Variants in DRC1 observed in about 807,000 individuals in gnomAD.
DRC1 encodes dynein regulatory complex subunit 1.
Under a neutral mutation model 98.7 loss-of-function variants are expected in DRC1, and 74 were observed. The observed-to-expected ratio is 0.75, with a 90% confidence interval of 0.62 to 0.91. The LOEUF is 0.91. Ranked by LOEUF, DRC1 falls within the 40% of genes least tolerant of loss-of-function variation. DRC1 has a pLI of 0.00. For missense variants in DRC1, 875 were observed against 886.0 expected (o/e 0.99, Z 0.16); for synonymous variants, 336 against 334.1 (o/e 1.01, Z -0.06).
intron 4 of DRC1, among the ~76,000 whole-genome samples, chr2:26,426,903 A>G (rs72852771): frequency 0.011 from 1,644 of 152,224 alleles, 33 homozygotes; most frequent in African/African-American, 0.037. Flanking sequence ...TAAGCACAGG[A>G]TATCTTCCAT....
intron 13 of DRC1, among the ~76,000 whole-genome samples, chr2:26,452,000 T>A (rs1664018710): frequency 6.6e-6 from 1 of 151,692 alleles, no homozygotes; most frequent in Non-Finnish European, 1.5e-5. Flanking sequence ...AGGTAACTCT[T>A]AAACATATGA....
intron 4 of DRC1, among the ~76,000 whole-genome samples, chr2:26,425,202 G>T (rs970932761): frequency 5.9e-5 from 9 of 152,148 alleles, no homozygotes; most frequent in African/African-American, 2.2e-4. Context: ...TTTGTGACTA[G>T]CATATTTGGC....
chr2:26,430,568 C>G (rs1422447236), intron 5 of DRC1: 3 of 632,676 alleles, frequency 4.7e-6, no homozygotes, highest in Non-Finnish European at 9.1e-6. Flanking sequence ...TGGCACATCT[C>G]CTCTCCGCAT....
At chr2:26,402,648 G>A (rs1678288811) in intron 1 of DRC1, among the ~76,000 whole-genome samples, 1 of 152,220 alleles carries the variant, frequency 6.6e-6, no homozygotes, top group Non-Finnish European at 1.5e-5. Flanking sequence ...GAGGCATTGA[G>A]TTTCCTTCTC....
intron 13 of DRC1, among the ~76,000 whole-genome samples, chr2:26,450,944 G>C (rs1663991638): frequency 7.5e-6 from 1 of 133,912 alleles, no homozygotes; most frequent in South Asian, 2.5e-4. Flanking sequence ...TGTTCTCATT[G>C]TTCAACTCCC....
intron 1 of DRC1, among the ~76,000 whole-genome samples, chr2:26,409,828 T>C (rs1678540664): frequency 6.6e-6 from 1 of 152,184 alleles, no homozygotes; most frequent in Non-Finnish European, 1.5e-5. Flanking sequence ...TTTTTAGTTC[T>C]TGTCATGAGT....
chr2:26,447,611 G>A (rs1244494746), intron 10 of DRC1, among the ~76,000 whole-genome samples: 5 of 151,734 alleles, frequency 3.3e-5, no homozygotes, highest in Non-Finnish European at 5.9e-5. Context: ...CTGTTGCCCA[G>A]GCTGGAGTGC....
chr2:26,444,737 TGAG>T lies in DRC1; in HGVS notation c.1186_1188del (p.Glu396del), dbSNP rs1663807616. ...ACAGGCATTTTGCTCTTATTGATGA[TGAG>T]AAGTTTTGGGAGATTTGGCTGATGA... On this transcript the variant is annotated inframe_deletion, in exon 10 of 17. Coordinates refer to ENST00000288710, the MANE Select transcript of DRC1 (RefSeq NM_145038.5). The T allele has an allele frequency of 1.2e-6, 2 of 1,614,002 alleles. No homozygotes were observed. Among genetic ancestry groups the T allele is most frequent in the African/African-American group, 1.3e-5 (1 of 74,910 alleles).
chr2:26,420,398 AC>A (rs1460297411), intron 2 of DRC1, among the ~76,000 whole-genome samples: 5 of 152,020 alleles, frequency 3.3e-5, no homozygotes, highest in Non-Finnish European at 7.4e-5. Context: ...TATCTGCCTC[AC>A]TGTCATTATC....
At chr2:26,439,938 C>T (rs140230689) in intron 7 of DRC1, among the ~76,000 whole-genome samples, 4,497 of 21,344 alleles carry the variant, frequency 0.21, 434 homozygotes, top group Middle Eastern at 0.5. Context: ...TATATATATA[C>T]ACACACACAT....
At chr2:26,441,611 G>T (rs1265976297) in intron 8 of DRC1, among the ~76,000 whole-genome samples, 1 of 152,164 alleles carries the variant, frequency 6.6e-6, no homozygotes, top group Non-Finnish European at 1.5e-5. Flanking sequence ...TTGGCAAAAA[G>T]CAGTTAAGAG....
intron 5 of DRC1, chr2:26,430,432 G>A (rs1184673293): frequency 1.1e-5 from 5 of 453,608 alleles, no homozygotes; most frequent in Non-Finnish European, 2.3e-5. Context: ...CCCCAACCAT[G>A]GCAACGAACG....
intron 2 of DRC1, among the ~76,000 whole-genome samples, chr2:26,417,212 C>G (rs760352055): frequency 1.3e-5 from 2 of 152,196 alleles, no homozygotes; most frequent in African/African-American, 4.8e-5. Flanking sequence ...ATATCACCAG[C>G]TCTGTGCCAA....
intron 1 of DRC1, among the ~76,000 whole-genome samples, chr2:26,404,210 A>G (rs949809975): frequency 2.0e-5 from 3 of 152,198 alleles, no homozygotes; most frequent in Admixed American, 2.0e-4. Flanking sequence ...GTAATGGATC[A>G]TTGTGATGTT....
chr2:26,402,153 G>GGGGGCGGGC lies in DRC1; in HGVS notation c.155+18_155+26dup. The GGGGGCGGGC allele has an allele frequency of 6.3e-7, 1 of 1,580,496 alleles. No homozygotes were observed. The highest frequency in any genetic ancestry group is 8.6e-7 in the Non-Finnish European group (1 of 1,166,238). On this transcript the variant is annotated intron_variant, in intron 1 of 16. Coordinates refer to ENST00000288710, the MANE Select transcript of DRC1 (RefSeq NM_145038.5). ...TTAGAAGCCCGGAGGCGGTGAGCGCGGGGGCGGGCGGGGCGGGATCCGCGC... is the reference window on the plus strand; with the variant it reads ...TTAGAAGCCCGGAGGCGGTGAGCGCGGGGGCGGGCGGGGCGGGCGGGGCGGGATCCGCGC...
In DRC1 at chr2:26,405,392, A is replaced by G. The variant is rs1013599117; in HGVS notation, c.155+3248A>G. Among the ~76,000 whole-genome samples, 3 of 152,176 alleles carry G rather than the reference A, an allele frequency of 2.0e-5. No homozygotes were observed. In the East Asian group the frequency reaches 5.8e-4, roughly 29 times the overall value. ...CTGTTCTCAGGAAGCTTATATTCTA[A>G]TGAGGGAGATGGGAAAAAATAAAGT... On this transcript the variant is annotated intron_variant, in intron 1 of 16. Transcript: ENST00000288710.
Position 26,453,303 on chromosome 2 carries a change from C to A in DRC1, c.1690-17C>A, listed in dbSNP as rs749441513. Reference sequence around the variant, plus strand: ...CGTGTGTCCCCAGCCCACAGTTGTCCGTGCATCTTTCTCCAGATCAAGCCC... The same window carrying A: ...CGTGTGTCCCCAGCCCACAGTTGTCAGTGCATCTTTCTCCAGATCAAGCCC... On this transcript the variant is annotated splice_polypyrimidine_tract_variant and intron_variant, in intron 13 of 16. Transcript: ENST00000288710. 1 of 1,613,804 alleles carries A rather than the reference C, an allele frequency of 6.2e-7. No homozygotes were observed. Among genetic ancestry groups the A allele is most frequent in the South Asian group, 1.1e-5 (1 of 91,026 alleles).
intron 1 of DRC1, among the ~76,000 whole-genome samples, chr2:26,404,986 T>G (rs1427013340): frequency 6.6e-6 from 1 of 152,222 alleles, no homozygotes; most frequent in Non-Finnish European, 1.5e-5. Flanking sequence ...CCTGAGTAGA[T>G]GACCCTAGGC....
chr2:26,421,027 G>C, intron 2 of DRC1: 1 of 232,426 alleles, frequency 4.3e-6, no homozygotes, highest in South Asian at 5.7e-5. Flanking sequence ...GCCTCCCAAA[G>C]TGCTGGGACT....
Sources: gnomAD v4.1 joint callset for allele counts (sites outside exome capture counted in the v4.1 genomes callset) on GRCh38, gnomAD v4.1.1 for gene constraint, MANE v1.5 for transcripts, NCBI Gene and HGNC (gene_info 2026-07-23, HGNC 2026-07-21) for gene names.